Variants in SPATA13 observed in about 807,000 individuals in gnomAD.
The protein encoded by SPATA13 is spermatogenesis-associated protein 13.
SPATA13 carries 50 observed loss-of-function variants against 104.0 expected under a neutral mutation model. That is an observed-to-expected ratio of 0.48 (90% CI 0.38 to 0.61). SPATA13 has a LOEUF of 0.61. Among genes scored for constraint, SPATA13 ranks in the 20% least tolerant of loss-of-function variants. The probability of loss-of-function intolerance (pLI) is 0.00; values close to 1 mark genes in which losing one functional copy is unlikely to be tolerated. For missense variants in SPATA13, 1,524 were observed against 1,690.6 expected, an observed-to-expected ratio of 0.90 and a Z score of 1.73; for synonymous variants, 606 against 667.5, an observed-to-expected ratio of 0.91 and a Z score of 1.42.
At chr13:24,199,752 A>T (rs1870294967) in intron 1 of SPATA13, among the ~76,000 whole-genome samples, 1 of 152,236 alleles carries the variant, frequency 6.6e-6, no homozygotes, top group African/African-American at 2.4e-5. Context: ...ACAGTGTCAG[A>T]TCACATTGGC....
chr13:24,272,150 G>C (rs989177256), intron 4 of SPATA13, among the ~76,000 whole-genome samples: 1 of 152,164 alleles, frequency 6.6e-6, no homozygotes, highest in Non-Finnish European at 1.5e-5. Flanking sequence ...CATTCCCACC[G>C]GGAGTGCAGC....
chr13:24,052,591 G>A (rs74706104), intron 3 of SPATA13, among the ~76,000 whole-genome samples: 3,820 of 151,600 alleles, frequency 0.025, 79 homozygotes, highest in East Asian at 0.11. Flanking sequence ...CCCGTTTCCA[G>A]ATGAAAGCCA....
At chr13:24,227,995 C>G (rs1035183845) in intron 2 of SPATA13, among the ~76,000 whole-genome samples, 1 of 152,184 alleles carries the variant, frequency 6.6e-6, no homozygotes, top group East Asian at 1.9e-4. Context: ...ACCTCTATCT[C>G]CCGGGTTCAA....
chr13:24,032,513 G>A lies in SPATA13; in HGVS notation c.-112+14812G>A, dbSNP rs553304155. On this transcript the variant is annotated intron_variant, in intron 3 of 14. Transcript: ENST00000424834. ...TCTGTCTCTGCCAGAGATTTCATAA[G>A]GAGTCGTTACAAATATGTTGGGTTT... 1.1e-3 allele frequency among the ~76,000 whole-genome samples: 167 copies of A among 152,268 alleles called. 3 individuals carry two copies. The highest frequency in any genetic ancestry group is 3.7e-3 in the African/African-American group (152 of 41,554).
At chr13:24,057,952 G>A (rs1878626896) in intron 3 of SPATA13, among the ~76,000 whole-genome samples, 1 of 151,696 alleles carries the variant, frequency 6.6e-6, no homozygotes, top group Non-Finnish European at 1.5e-5. Context: ...TTCACTCCAA[G>A]GATGCTGTGG....
chr13:24,017,783 T>C, intron 3 of SPATA13: 20 of 780,786 alleles, frequency 2.6e-5, no homozygotes, highest in Non-Finnish European at 2.8e-5. Flanking sequence ...GCAGATTGTA[T>C]AATCTGTATG....
chr13:24,274,139 C>T (rs1230921791), intron 4 of SPATA13, among the ~76,000 whole-genome samples: 4 of 152,198 alleles, frequency 2.6e-5, no homozygotes, highest in Non-Finnish European at 5.9e-5. Context: ...CATTGGCTAA[C>T]GCAGAGGTTT....
At chr13:24,056,791 T>C (rs1415846520) in intron 3 of SPATA13, among the ~76,000 whole-genome samples, 1 of 152,140 alleles carries the variant, frequency 6.6e-6, no homozygotes, top group Non-Finnish European at 1.5e-5. Context: ...TGTGCGTGTC[T>C]GATAAGATTT....
intron 2 of SPATA13, among the ~76,000 whole-genome samples, chr13:24,008,560 G>A (rs138297833): frequency 1.3e-5 from 2 of 152,248 alleles, no homozygotes; most frequent in African/African-American, 4.8e-5. Flanking sequence ...AGCAGGAGAA[G>A]GGGAGGGGAG....
chr13:24,188,050 G>T (rs1869265264), intron 1 of SPATA13, among the ~76,000 whole-genome samples: 1 of 152,150 alleles, frequency 6.6e-6, no homozygotes, highest in Admixed American at 6.6e-5. Context: ...AATTAAAAGT[G>T]ATACTCCAGG....
intron 1 of SPATA13, among the ~76,000 whole-genome samples, chr13:23,980,274 G>C (rs969175722): frequency 1.3e-5 from 2 of 152,258 alleles, no homozygotes; most frequent in African/African-American, 4.8e-5. Context: ...GTTGCACAAA[G>C]CCAGCCTGGC....
intron 3 of SPATA13, among the ~76,000 whole-genome samples, chr13:24,120,088 A>T (rs1032710470): frequency 2.6e-5 from 4 of 152,148 alleles, no homozygotes; most frequent in African/African-American, 9.7e-5. Flanking sequence ...CAGATGGATC[A>T]GGTGCAGGCC....
chr13:24,077,002 GT>G (rs1401346143), intron 3 of SPATA13, among the ~76,000 whole-genome samples: 2 of 151,978 alleles, frequency 1.3e-5, no homozygotes, highest in Non-Finnish European at 1.5e-5. Flanking sequence ...TTCATATGTT[GT>G]TGAGGGGACC....
chr13:24,012,352 GC>G (rs1044882902), intron 2 of SPATA13, among the ~76,000 whole-genome samples: 12 of 152,320 alleles, frequency 7.9e-5, no homozygotes, highest in African/African-American at 2.9e-4. Context: ...GGTCAAGGTT[GC>G]CCCCAGGCAG....
At chr13:24,056,005 T>C (rs1348645732) in intron 3 of SPATA13, among the ~76,000 whole-genome samples, 2 of 152,182 alleles carry the variant, frequency 1.3e-5, no homozygotes, top group African/African-American at 4.8e-5. Context: ...GTGGTTCAAG[T>C]GACTTGGAGA....
chr13:24,053,180 G>T (rs9511021), intron 3 of SPATA13, among the ~76,000 whole-genome samples: 4,798 of 152,158 alleles, frequency 0.032, 121 homozygotes, highest in East Asian at 0.11. Context: ...ACATTTTTGT[G>T]TACTTGCATT....
At chr13:24,296,499 T>C (rs1876791023) in intron 10 of SPATA13, among the ~76,000 whole-genome samples, 1 of 152,254 alleles carries the variant, frequency 6.6e-6, no homozygotes, top group South Asian at 2.1e-4. Flanking sequence ...AGAAGTTAAT[T>C]TCTTGCTGAC....
At chr13:24,012,627 C>T (rs1004693816) in intron 2 of SPATA13, among the ~76,000 whole-genome samples, 5 of 152,236 alleles carry the variant, frequency 3.3e-5, no homozygotes, top group African/African-American at 1.2e-4. Flanking sequence ...TGACAAGCTC[C>T]TGGAGTCTGT....
intron 1 of SPATA13, among the ~76,000 whole-genome samples, chr13:24,221,963 TCAC>T (rs2138608522): frequency 6.6e-6 from 1 of 152,052 alleles, no homozygotes; most frequent in East Asian, 1.9e-4. Context: ...TAGGTGCACA[TCAC>T]CACGCCTGGC....
Sources: gnomAD v4.1 joint callset for allele counts (sites outside exome capture counted in the v4.1 genomes callset) on GRCh38, gnomAD v4.1.1 for gene constraint, MANE v1.5 for transcripts, NCBI Gene and HGNC (gene_info 2026-07-23, HGNC 2026-07-21) for gene names.